Variants in KANSL1L observed in about 807,000 individuals in gnomAD.
KANSL1L encodes KAT8 regulatory NSL complex subunit 1-like protein.
A neutral mutation model predicts 108.6 loss-of-function variants in KANSL1L; 25 were observed. That is an observed-to-expected ratio of 0.23 (90% CI 0.17 to 0.32). The LOEUF (loss-of-function observed/expected upper bound fraction) is 0.32. KANSL1L is among the 10% of genes least tolerant of loss of function. The pLI is 1.00. For missense variants in KANSL1L, 1,137 were observed against 1,125.7 expected, an observed-to-expected ratio of 1.01 and a Z score of -0.14; for synonymous variants, 405 against 395.1, an observed-to-expected ratio of 1.03 and a Z score of -0.30.
At chr2:210,135,527 C>T (rs945121964) in intron 2 of KANSL1L, among the ~76,000 whole-genome samples, 6 of 151,962 alleles carry the variant, frequency 3.9e-5, no homozygotes, top group Admixed American at 3.3e-4. Flanking sequence ...AAACGTGAGC[C>T]AAAATTATGT....
At chr2:210,048,495 C>CT (rs768919723) in intron 6 of KANSL1L, among the ~76,000 whole-genome samples, 15 of 151,546 alleles carry the variant, frequency 9.9e-5, no homozygotes, top group African/African-American at 1.5e-4. Context: ...ATTAAACTTA[C>CT]TTATTTTTAC....
At chr2:210,113,052 A>T (rs577585012) in intron 3 of KANSL1L, among the ~76,000 whole-genome samples, 2 of 152,322 alleles carry the variant, frequency 1.3e-5, no homozygotes, top group South Asian at 4.1e-4. Flanking sequence ...TGTTCTGCAA[A>T]TATTAGGGAT....
intron 2 of KANSL1L, among the ~76,000 whole-genome samples, chr2:210,150,585 C>G (rs1205707348): frequency 6.6e-6 from 1 of 152,026 alleles, no homozygotes. Context: ...GAGCTTGAGA[C>G]CAGCTTGACC....
chr2:210,169,454 G>A (rs147827853), intron 1 of KANSL1L, among the ~76,000 whole-genome samples: 256 of 152,204 alleles, frequency 1.7e-3, no homozygotes, highest in African/African-American at 4.9e-3. Flanking sequence ...CATATATGCA[G>A]ACAGAAATAT....
intron 2 of KANSL1L, among the ~76,000 whole-genome samples, chr2:210,129,746 T>C (rs973145438): frequency 6.6e-6 from 1 of 152,082 alleles, no homozygotes; most frequent in Non-Finnish European, 1.5e-5. Flanking sequence ...GCATACCAAA[T>C]ATATAGACCT....
At chr2:210,163,582 A>T (rs1218881723) in intron 1 of KANSL1L, among the ~76,000 whole-genome samples, 1 of 152,160 alleles carries the variant, frequency 6.6e-6, no homozygotes, top group Non-Finnish European at 1.5e-5. Context: ...AGAAGAGAAA[A>T]AGAAAAGAAA....
chr2:210,074,493 AAATTTTTGTATTTTTCACGCTGGGCT>A (rs1559535105), intron 6 of KANSL1L, among the ~76,000 whole-genome samples: 2 of 152,050 alleles, frequency 1.3e-5, no homozygotes, highest in Non-Finnish European at 2.9e-5. Context: ...CACGCTGGGC[AAATTTTTGTATTTTTCACGCTGGGCT>A]AATTTTTGTA....
intron 4 of KANSL1L, among the ~76,000 whole-genome samples, chr2:210,103,739 A>G (rs1421979786): frequency 6.6e-6 from 1 of 152,194 alleles, no homozygotes; most frequent in Non-Finnish European, 1.5e-5. Context: ...ATCTTGTTCA[A>G]TAAATTAGTC....
In KANSL1L at chr2:210,029,932, A is replaced by T. The variant is rs1260071048; in HGVS notation, c.2156-14T>A. On this transcript the variant is annotated splice_polypyrimidine_tract_variant and intron_variant, in intron 9 of 14. Coordinates refer to ENST00000281772, the MANE Select transcript of KANSL1L (RefSeq NM_152519.4). ...TAGTTCTTTCTCCTGCCATGGAAAG[A>T]ACCATTGAATGTTACACATTAAACA... The T allele has an allele frequency of 7.4e-7, 1 of 1,349,366 alleles. No homozygotes were observed. Among genetic ancestry groups the T allele is most frequent in the East Asian group, 2.3e-5 (1 of 43,318 alleles). The allele number at this position is 1,349,366 out of a possible 1,614,324, so 83.6% of individuals were successfully genotyped here.
At chr2:210,032,261 GTC>G (rs2094028938) in intron 8 of KANSL1L, 1 of 152,232 alleles carries the variant, frequency 6.6e-6, no homozygotes, top group Non-Finnish European at 1.5e-5. Flanking sequence ...GACAAGGAGT[GTC>G]TGGTTTCAAG....
intron 8 of KANSL1L, among the ~76,000 whole-genome samples, chr2:210,036,154 T>C (rs1231810272): frequency 6.6e-6 from 1 of 152,140 alleles, no homozygotes; most frequent in African/African-American, 2.4e-5. Context: ...GCCTTCTAAG[T>C]AGTTACATAC....
rs575898158 is a variant in KANSL1L, at chr2:210,153,533, G to A, written c.1050C>T (p.Asp350=). Residue 350 remains aspartate (D), a synonymous_variant, in exon 2 of 15, where the codon GAC becomes GAT. Coordinates refer to ENST00000281772, the MANE Select transcript of KANSL1L (RefSeq NM_152519.4). ...TTCTAAGGGTATATTCATCCAAATCGTCATCAGAGCTGCTATCAGTTGCAT... is the reference window on the plus strand; with the variant it reads ...TTCTAAGGGTATATTCATCCAAATCATCATCAGAGCTGCTATCAGTTGCAT... ...DSDATDSSSD[D]DLDEYTLRKN... is the part of the protein sequence containing the mutation. The A allele has an allele frequency of 7.4e-6, 12 of 1,613,846 alleles. No individual in the cohort carries two copies. Among genetic ancestry groups the A allele is most frequent in the East Asian group, 2.2e-5 (1 of 44,860 alleles).
At position 210,148,824 on chromosome 2, in the gene KANSL1L, T is replaced by C. The variant is rs140930814; in HGVS notation, c.1088+4671A>G. Among the ~76,000 whole-genome samples the C allele has an allele frequency of 1.2e-4, 19 of 152,272 alleles. No individual in the cohort carries two copies. The East Asian group carries it at 3.7e-3, about 29-fold the overall frequency. On this transcript the variant is annotated intron_variant, in intron 2 of 14. Coordinates refer to ENST00000281772, the MANE Select transcript of KANSL1L (RefSeq NM_152519.4). ...CAATTTTCTAAAACAATTATATTCC[T>C]TCACAGCTAACTTCCTGATCAATTT...
chr2:210,097,222 A>G, intron 5 of KANSL1L: 2 of 969,668 alleles, frequency 2.1e-6, no homozygotes, highest in Non-Finnish European at 1.2e-6. Flanking sequence ...GACTTTGTTT[A>G]CATCCACTAA....
rs550547388 is a variant in KANSL1L at position 210,023,362 on chromosome 2, A to G, written c.2734-183T>C. On this transcript the variant is annotated intron_variant, in intron 14 of 14. Coordinates refer to ENST00000281772, the MANE Select transcript of KANSL1L (RefSeq NM_152519.4). ...GGAATATATTGAGAATTGTTGAGTG[A>G]CTTTTGGGATTTATTTCTTTACTTT... Among the ~76,000 whole-genome samples the G allele has an allele frequency of 9.2e-5, 14 of 152,298 alleles. No individual in the cohort carries two copies. In the South Asian group the frequency reaches 2.9e-3, roughly 32 times the overall value.
intron 5 of KANSL1L, among the ~76,000 whole-genome samples, chr2:210,092,008 T>C (rs1559549100): frequency 6.6e-6 from 1 of 152,214 alleles, no homozygotes; most frequent in Admixed American, 6.5e-5. Flanking sequence ...CTGGCTCCTG[T>C]TATTACTATT....
chr2:210,028,593 A>G (rs2093971048), intron 11 of KANSL1L: 1 of 321,704 alleles, frequency 3.1e-6, no homozygotes, highest in African/African-American at 2.2e-5. Context: ...ACACTGGATA[A>G]TAATAATAAA....
intron 3 of KANSL1L, among the ~76,000 whole-genome samples, chr2:210,112,213 T>C (rs1033327061): frequency 6.6e-6 from 1 of 152,172 alleles, no homozygotes; most frequent in Non-Finnish European, 1.5e-5. Flanking sequence ...TGTGTCTTCA[T>C]AGCAGCAACC....
intron 1 of KANSL1L, among the ~76,000 whole-genome samples, chr2:210,164,076 GCTA>G (rs1216113075): frequency 7.9e-5 from 12 of 152,014 alleles, no homozygotes; most frequent in East Asian, 1.9e-4. Context: ...TTTTAAACTT[GCTA>G]CTACTAGACA....
Sources: allele counts gnomAD v4.1 joint callset (sites outside exome capture counted in the v4.1 genomes callset), GRCh38; gene constraint gnomAD v4.1.1; transcripts MANE v1.5; gene names NCBI Gene and HGNC (gene_info 2026-07-23, HGNC 2026-07-21).